SORCS3: variants seen among roughly 807,000 people sequenced by gnomAD.
The protein encoded by SORCS3 is VPS10 domain-containing receptor SorCS3.
Under a neutral mutation model 146.3 loss-of-function variants are expected in SORCS3, and 57 were observed. That is an observed-to-expected ratio of 0.39 (90% CI 0.31 to 0.49). The LOEUF (loss-of-function observed/expected upper bound fraction) is 0.49. Among genes scored for constraint, SORCS3 ranks in the 20% least tolerant of loss-of-function variants. The probability of loss-of-function intolerance (pLI) is 0.92; values close to 1 mark genes in which losing one functional copy is unlikely to be tolerated. For missense variants in SORCS3, 1,341 were observed against 1,575.5 expected (o/e 0.85, Z 2.52); for synonymous variants, 653 against 618.5 (o/e 1.06, Z -0.83).
chr10:105,121,014 C>A (rs1463934084), intron 7 of SORCS3, among the ~76,000 whole-genome samples: 2 of 152,130 alleles, frequency 1.3e-5, no homozygotes, highest in Admixed American at 6.5e-5. Context: ...AGGGAGCCAG[C>A]CTGTGAGTTC....
intron 1 of SORCS3, among the ~76,000 whole-genome samples, chr10:104,794,795 A>G (rs548317425): frequency 6.6e-6 from 1 of 152,340 alleles, no homozygotes; most frequent in African/African-American, 2.4e-5. Context: ...GAGGAAGCAC[A>G]TCAGAAACAA....
chr10:104,786,260 C>CAAA (rs71482438), intron 1 of SORCS3, among the ~76,000 whole-genome samples: 2 of 110,686 alleles, frequency 1.8e-5, no homozygotes, highest in Admixed American at 9.4e-5. Flanking sequence ...AATTGGAAGC[C>CAAA]AAAAAAAAAA....
intron 2 of SORCS3, among the ~76,000 whole-genome samples, chr10:104,869,802 G>A (rs1386293143): frequency 1.3e-5 from 2 of 152,184 alleles, no homozygotes; most frequent in Non-Finnish European, 2.9e-5. Context: ...TGGCTAGGTT[G>A]TCAACCATTC....
intron 6 of SORCS3, among the ~76,000 whole-genome samples, chr10:105,098,463 A>G (rs145755807): frequency 1.3e-5 from 2 of 152,340 alleles, no homozygotes; most frequent in Non-Finnish European, 2.9e-5. Flanking sequence ...CCCAGTGTGT[A>G]GATTCTAGTC....
At chr10:104,727,118 C>T (rs369576593) in intron 1 of SORCS3, among the ~76,000 whole-genome samples, 105 of 152,284 alleles carry the variant, frequency 6.9e-4, no homozygotes, top group African/African-American at 2.4e-3. Context: ...ATGTCATATT[C>T]TGTGGATTCT....
At chr10:105,005,873 T>G (rs1210562756) in intron 4 of SORCS3, among the ~76,000 whole-genome samples, 1 of 152,186 alleles carries the variant, frequency 6.6e-6, no homozygotes, top group Non-Finnish European at 1.5e-5. Context: ...TGCCAAATAA[T>G]CCACTCTAAA....
intron 3 of SORCS3, among the ~76,000 whole-genome samples, chr10:104,927,480 G>T (rs1772735091): frequency 6.6e-6 from 1 of 152,164 alleles, no homozygotes; most frequent in African/African-American, 2.4e-5. Context: ...GAGTCAGGCT[G>T]GATAAGAGAA....
At chr10:104,858,937 A>AT (rs2018367824) in intron 2 of SORCS3, among the ~76,000 whole-genome samples, 1 of 52,872 alleles carries the variant, frequency 1.9e-5, no homozygotes, top group African/African-American at 8.4e-5. Context: ...GTGTACATTT[A>AT]TAAAAAAAAA....
At chr10:104,980,940 G>A (rs7082914) in intron 4 of SORCS3, among the ~76,000 whole-genome samples, 1 of 152,156 alleles carries the variant, frequency 6.6e-6, no homozygotes, top group African/African-American at 2.4e-5. Flanking sequence ...ATATGTGGCT[G>A]TTGGGTTGTG....
At chr10:105,018,918 C>T (rs1448541178) in intron 4 of SORCS3, among the ~76,000 whole-genome samples, 1 of 152,094 alleles carries the variant, frequency 6.6e-6, no homozygotes, top group Non-Finnish European at 1.5e-5. Context: ...TTCCTTATCT[C>T]CCCTAGTTGT....
chr10:104,685,204 T>A (rs956940992), intron 1 of SORCS3, among the ~76,000 whole-genome samples: 3 of 152,160 alleles, frequency 2.0e-5, no homozygotes, highest in Non-Finnish European at 4.4e-5. Flanking sequence ...CAAAAAGCCC[T>A]GAAAGAAGAC....
chr10:105,243,996 T>C (rs1281029490), intron 20 of SORCS3, among the ~76,000 whole-genome samples: 1 of 152,158 alleles, frequency 6.6e-6, no homozygotes, highest in Admixed American at 6.6e-5. Context: ...AGCTCTGTGC[T>C]TCTGCAGCTG....
At chr10:105,128,729 A>G (rs922196309) in intron 7 of SORCS3, among the ~76,000 whole-genome samples, 9 of 152,096 alleles carry the variant, frequency 5.9e-5, no homozygotes, top group Admixed American at 5.2e-4. Flanking sequence ...AATCATTAGG[A>G]TGGGAATTTA....
At chr10:105,102,217 G>A (rs1329915331) in intron 6 of SORCS3, among the ~76,000 whole-genome samples, 1 of 150,920 alleles carries the variant, frequency 6.6e-6, no homozygotes, top group African/African-American at 2.4e-5. Context: ...ATAAATCATT[G>A]AACATGCACA....
At chr10:104,767,762 C>CTTCCCT (rs1012079217) in intron 1 of SORCS3, among the ~76,000 whole-genome samples, 1 of 143,000 alleles carries the variant, frequency 7.0e-6, no homozygotes, top group African/African-American at 2.6e-5. Flanking sequence ...TCTGCTTCCC[C>CTTCCCT]TTCCCTTTCC....
In SORCS3 at chr10:104,654,130, A is replaced by G. The variant is rs555322423; in HGVS notation, c.627+12176A>G. ...CCATCCATGTTTTTGCAAATGACTGAATCTCATTCGTTTTTATGGCTGAAT... is the reference window on the plus strand; with the variant it reads ...CCATCCATGTTTTTGCAAATGACTGGATCTCATTCGTTTTTATGGCTGAAT... On this transcript the variant is annotated intron_variant, in intron 1 of 26. Transcript: ENST00000369701. 2.0e-5 allele frequency among the ~76,000 whole-genome samples: 3 copies of G among 152,276 alleles called. No individual in the cohort carries two copies. The East Asian group carries it at 5.8e-4, about 29-fold the overall frequency.
chr10:105,181,515 T>A (rs141126754), intron 14 of SORCS3, among the ~76,000 whole-genome samples: 10 of 152,260 alleles, frequency 6.6e-5, no homozygotes, highest in Non-Finnish European at 1.5e-4. Flanking sequence ...CAATTTCCAC[T>A]TTTCCTGGAG....
intron 4 of SORCS3, among the ~76,000 whole-genome samples, chr10:105,033,416 G>A (rs1015917347): frequency 6.6e-6 from 1 of 152,162 alleles, no homozygotes; most frequent in Admixed American, 6.5e-5. Context: ...CTGAGTTTTA[G>A]AGTCTCCATG....
chr10:105,095,202 T>A (rs2055737221), intron 6 of SORCS3, among the ~76,000 whole-genome samples: 1 of 152,174 alleles, frequency 6.6e-6, no homozygotes, highest in Non-Finnish European at 1.5e-5. Flanking sequence ...CCTCCATCTC[T>A]GGAGCACAAG....
Sources: allele counts gnomAD v4.1 joint callset (sites outside exome capture counted in the v4.1 genomes callset), GRCh38; gene constraint gnomAD v4.1.1; transcripts MANE v1.5; gene names NCBI Gene and HGNC (gene_info 2026-07-23, HGNC 2026-07-21).